Variants in NFIB observed in about 807,000 individuals in gnomAD.
NFIB encodes the protein nuclear factor I B, also known as nuclear factor 1 B-type.
NFIB carries 11 observed loss-of-function variants against 61.5 expected under a neutral mutation model. The ratio of observed to expected loss-of-function variants is 0.18; its 90% CI spans 0.11 to 0.30. The LOEUF is 0.30. NFIB is among the 10% of genes least tolerant of loss of function. The pLI, the probability that NFIB is intolerant of heterozygous loss-of-function variation, is 1.00. For synonymous variants in NFIB, 260 were observed against 216.5 expected (o/e 1.20, Z -1.76); for missense variants, 471 against 608.9 (o/e 0.77, Z 2.38).
the NFIB span, among the ~76,000 whole-genome samples, chr9:14,470,948 A>G: frequency 2.0e-5 from 3 of 152,230 alleles, no homozygotes; most frequent in Admixed American, 2.0e-4. Context: ...GGAAACAGAA[A>G]TGATGAGGCA....
intron 1 of NFIB, among the ~76,000 whole-genome samples, chr9:14,349,652 C>T (rs536824851): frequency 3.7e-4 from 57 of 152,226 alleles, no homozygotes; most frequent in Admixed American, 5.2e-4. Context: ...AAGCACCCAG[C>T]TGAAAACGAA....
the NFIB span, among the ~76,000 whole-genome samples, chr9:14,424,773 G>A: frequency 1.2e-4 from 19 of 152,140 alleles, no homozygotes; most frequent in African/African-American, 4.6e-4. Flanking sequence ...TATGGAGAGG[G>A]AAAGGATTTT....
chr9:14,427,515 G>A, the NFIB span, among the ~76,000 whole-genome samples: 3 of 152,252 alleles, frequency 2.0e-5, no homozygotes, highest in Middle Eastern at 3.4e-3. Flanking sequence ...TCAGTCACCA[G>A]AGTTCATGTG....
At chr9:14,483,105 A>T in the NFIB span, among the ~76,000 whole-genome samples, 3 of 152,222 alleles carry the variant, frequency 2.0e-5, no homozygotes, top group African/African-American at 4.8e-5. Flanking sequence ...TATGAAGTGA[A>T]TCATAACCTC....
At chr9:14,341,914 T>C (rs1197489870) in intron 1 of NFIB, among the ~76,000 whole-genome samples, 1 of 148,388 alleles carries the variant, frequency 6.7e-6, no homozygotes, top group Non-Finnish European at 1.5e-5. Flanking sequence ...AAACATTGCT[T>C]AGCTAGAGAG....
intron 3 of NFIB, among the ~76,000 whole-genome samples, chr9:14,169,428 G>A (rs1255097023): frequency 6.6e-6 from 1 of 152,126 alleles, no homozygotes; most frequent in Non-Finnish European, 1.5e-5. Context: ...CAGAATGTAA[G>A]TCAAAAGACC....
At position 14,300,923 on chromosome 9, in the gene NFIB, G is replaced by C. The variant is rs535617270; in HGVS notation, c.562+6066C>G. 2.6e-5 allele frequency among the ~76,000 whole-genome samples: 4 copies of C among 152,270 alleles called. No individual in the cohort carries two copies. In the South Asian group the frequency reaches 6.2e-4, roughly 24 times the overall value. ...GCTATATTGGGTATCTTGGATTGCT[G>C]TTTCAAATTTTAAGTGCCAAATTCA... On this transcript the variant is annotated intron_variant, in intron 2 of 10. Transcript: ENST00000380953.
rs369719457 is a variant in NFIB at position 14,116,395 on chromosome 9, A to G, written c.1246-49T>C. Reference sequence around the variant, plus strand: ...GGGTGAAGCAATCCAAAAGGCAGTCATCTTGTTCAACAAGTCCACTCAGCA... The same window carrying G: ...GGGTGAAGCAATCCAAAAGGCAGTCGTCTTGTTCAACAAGTCCACTCAGCA... On this transcript the variant is annotated intron_variant, in intron 8 of 10. Coordinates refer to ENST00000380953, the MANE Select transcript of NFIB (RefSeq NM_001190737.2). 11 of 1,432,210 alleles carry G rather than the reference A, an allele frequency of 7.7e-6. No individual in the cohort carries two copies. In the East Asian group the frequency reaches 1.6e-4, roughly 21 times the overall value. 88.7% of individuals were successfully genotyped at this position (1,432,210 alleles called of 1,614,324 possible).
chr9:14,146,325 T>C (rs2042270958), intron 6 of NFIB, among the ~76,000 whole-genome samples: 1 of 152,158 alleles, frequency 6.6e-6, no homozygotes, highest in Non-Finnish European at 1.5e-5. Context: ...GCTTAAAGTT[T>C]GGCTCCCTGC....
At chr9:14,325,571 A>G (rs977544212) in intron 1 of NFIB, among the ~76,000 whole-genome samples, 4 of 152,122 alleles carry the variant, frequency 2.6e-5, no homozygotes, top group Non-Finnish European at 4.4e-5. Flanking sequence ...TAAACCAGTA[A>G]TTTTGAGTCA....
At position 14,307,789 on chromosome 9, in the gene NFIB, G is replaced by T; in HGVS notation, c.31-269C>A. ...GGTTTATATTTTGTATTACACTCTG[G>T]CCCCATCCCCCTTGTTTCCACCCCA... On this transcript the variant is annotated intron_variant, in intron 1 of 10. Transcript: ENST00000380953. This position sits in a 1 kb window ranked among gnomAD's most constrained non-coding sequence, Gnocchi z 5.3. 6.6e-6 allele frequency: 2 copies of T among 303,142 alleles called. No individual in the cohort carries two copies. The highest frequency in any genetic ancestry group is 7.1e-5 in the South Asian group (1 of 13,990). The allele number at this position is 303,142 out of a possible 1,614,324, so 18.8% of individuals were successfully genotyped here.
chr9:14,526,108 CT>C, the NFIB span, among the ~76,000 whole-genome samples: 1 of 152,008 alleles, frequency 6.6e-6, no homozygotes, highest in Non-Finnish European at 1.5e-5. Flanking sequence ...GTCACCAAAT[CT>C]ACATTTCCCA....
chr9:14,146,709 G>T lies in NFIB; in HGVS notation c.905C>A (p.Thr302Lys). The T allele has an allele frequency of 6.2e-7, 1 of 1,612,862 alleles. No homozygotes were observed. Among genetic ancestry groups the T allele is most frequent in the South Asian group, 1.1e-5 (1 of 90,800 alleles). ...CTCACCTTGATCTCTTTCGTGCCAT[G>T]TTCGACTTCCAGCAGCTGGTGAACT... ...SPSSPAAGSR[T>K]WHERDQDMSS... The change falls in exon 6 of 11, where the codon ACA becomes AAA. Residue 302 changes from threonine (T) to lysine (K), a missense_variant. By Grantham distance (78) the Thr-to-Lys change is moderately conservative (BLOSUM62 -1). Coordinates refer to ENST00000380953, the MANE Select transcript of NFIB (RefSeq NM_001190737.2).
the NFIB span, among the ~76,000 whole-genome samples, chr9:14,504,604 G>T: frequency 2.0e-5 from 3 of 152,038 alleles, no homozygotes; most frequent in Non-Finnish European, 2.9e-5. Flanking sequence ...TTATTAAAGG[G>T]GTTAAGTTCT....
chr9:14,153,337 G>A (rs145463970), intron 4 of NFIB, among the ~76,000 whole-genome samples: 7 of 152,210 alleles, frequency 4.6e-5, no homozygotes, highest in Non-Finnish European at 8.8e-5. Flanking sequence ...ATGACAGAGT[G>A]TGTGGGAACA....
intron 2 of NFIB, among the ~76,000 whole-genome samples, chr9:14,224,219 G>A (rs2052068062): frequency 6.6e-6 from 1 of 152,186 alleles, no homozygotes; most frequent in Non-Finnish European, 1.5e-5. Flanking sequence ...ACAGAAAATT[G>A]TGCCATCATT....
rs564421234 is a variant in NFIB at position 14,285,336 on chromosome 9, T to C, written c.562+21653A>G. ...CAGGGTTTCACCATGTCGGCCAGGC[T>C]GGTCCCGAACTCCTGACCTCAGGTA... is the stretch of plus-strand genomic sequence containing the variant. On this transcript the variant is annotated intron_variant, in intron 2 of 10. Coordinates refer to ENST00000380953, the MANE Select transcript of NFIB (RefSeq NM_001190737.2). Among the ~76,000 whole-genome samples, 4 of 152,324 alleles carry C rather than the reference T, an allele frequency of 2.6e-5. No individual in the cohort carries two copies. The South Asian group carries it at 8.3e-4, about 32-fold the overall frequency.
At chr9:14,390,053 T>C (rs16931684) in intron 1 of NFIB, among the ~76,000 whole-genome samples, 2,007 of 152,188 alleles carry the variant, frequency 0.013, 51 homozygotes, top group African/African-American at 0.046. Flanking sequence ...CCTACCAAAA[T>C]CTGATCTCAG....
At chr9:14,309,211 T>A (rs1159560578) in intron 1 of NFIB, among the ~76,000 whole-genome samples, 6 of 152,202 alleles carry the variant, frequency 3.9e-5, no homozygotes, top group African/African-American at 7.2e-5. Flanking sequence ...AAAGTACAAC[T>A]AATGACTCTT....
Sources: gnomAD v4.1 joint callset for allele counts (sites outside exome capture counted in the v4.1 genomes callset) on GRCh38, gnomAD v4.1.1 for gene constraint, Gnocchi (gnomAD v3.1) non-coding constraint, MANE v1.5 for transcripts, NCBI Gene and HGNC (gene_info 2026-07-23, HGNC 2026-07-21) for gene names.